Variants in NALCN observed in about 807,000 individuals in gnomAD.
NALCN encodes sodium leak channel NALCN.
A neutral mutation model predicts 225.3 loss-of-function variants in NALCN; 111 were observed. The ratio of observed to expected loss-of-function variants is 0.49; its 90% CI spans 0.42 to 0.58. The LOEUF (loss-of-function observed/expected upper bound fraction) is 0.58, where lower values mean the gene tolerates loss of function less well. NALCN is among the 20% of genes least tolerant of loss of function. The pLI is 0.00. For synonymous variants in NALCN, 764 were observed against 769.0 expected, an observed-to-expected ratio of 0.99 and a Z score of 0.11; for missense variants, 1,378 against 2,202.4, an observed-to-expected ratio of 0.63 and a Z score of 7.49.
chr13:101,310,954 G>A (rs908436469), intron 7 of NALCN, among the ~76,000 whole-genome samples: 1 of 152,006 alleles, frequency 6.6e-6, no homozygotes, highest in Non-Finnish European at 1.5e-5. Flanking sequence ...CATGGGCAGT[G>A]TGGCCATTTT....
intron 6 of NALCN, among the ~76,000 whole-genome samples, chr13:101,349,918 G>C (rs1302215421): frequency 6.6e-6 from 1 of 152,100 alleles, no homozygotes; most frequent in Non-Finnish European, 1.5e-5. Flanking sequence ...ATAACAAACA[G>C]GACCAGCTTC....
intron 7 of NALCN, among the ~76,000 whole-genome samples, chr13:101,295,089 C>A (rs1431777534): frequency 6.6e-6 from 1 of 152,074 alleles, no homozygotes; most frequent in East Asian, 1.9e-4. Flanking sequence ...TGCATCTGTT[C>A]ATAGGCTCTC....
chr13:101,173,462 C>T (rs2038830721), intron 15 of NALCN, among the ~76,000 whole-genome samples: 1 of 152,134 alleles, frequency 6.6e-6, no homozygotes, highest in Non-Finnish European at 1.5e-5. Flanking sequence ...GAGCAAGTTA[C>T]TTAACCTCTC....
chr13:101,226,938 T>C (rs542425382), intron 13 of NALCN, among the ~76,000 whole-genome samples: 53 of 152,104 alleles, frequency 3.5e-4, no homozygotes, highest in Admixed American at 9.8e-4. Context: ...CCTCCCTAGG[T>C]GCAGGAATGG....
intron 7 of NALCN, among the ~76,000 whole-genome samples, chr13:101,337,874 C>A (rs534152463): frequency 1.4e-3 from 206 of 152,284 alleles, no homozygotes; most frequent in African/African-American, 4.7e-3. Flanking sequence ...GACATGGCTT[C>A]CAAATGCGGC....
chr13:101,204,885 G>A (rs2040254578), intron 13 of NALCN, among the ~76,000 whole-genome samples: 1 of 152,132 alleles, frequency 6.6e-6, no homozygotes, highest in Admixed American at 6.6e-5. Context: ...AATTCCCACA[G>A]TAGTTAATTG....
rs201275972 is a variant in NALCN at position 101,059,676 on chromosome 13, T to G, written c.4905+142A>C. The G allele has an allele frequency of 1.7e-3, 1,173 of 671,032 alleles. 14 individuals are homozygous for G. The African/African-American group carries it at 0.028, about 16-fold the overall frequency. 41.6% of individuals were successfully genotyped at this position (671,032 alleles called of 1,614,324 possible). On this transcript the variant is annotated intron_variant, in intron 42 of 43. Transcript: ENST00000251127. ...CTGGATCAATGGATTTCCGTTGCCT[T>G]TTTTTTTTTTAATGAAAATATTCCT...
At chr13:101,099,442 A>G (rs2034690031) in intron 27 of NALCN, among the ~76,000 whole-genome samples, 1 of 152,074 alleles carries the variant, frequency 6.6e-6, no homozygotes, top group Non-Finnish European at 1.5e-5. Context: ...AGATAGCCAT[A>G]TTTGCTAGAA....
At chr13:101,197,336 CTTCTT>C (rs139408030) in intron 13 of NALCN, among the ~76,000 whole-genome samples, 6,224 of 152,160 alleles carry the variant, frequency 0.041, 407 homozygotes, top group African/African-American at 0.14. Context: ...TCATCTTTCT[CTTCTT>C]TTCTTTCCTC....
chr13:101,252,915 A>G (rs1418316268), intron 11 of NALCN, among the ~76,000 whole-genome samples: 1 of 152,132 alleles, frequency 6.6e-6, no homozygotes, highest in Non-Finnish European at 1.5e-5. Context: ...AAAGCTTTTA[A>G]TCTCCTGTGC....
intron 42 of NALCN, 180 bp from the exon 43 acceptor site, chr13:101,058,236 C>T (rs932357891): frequency 1.0e-5 from 6 of 582,544 alleles, no homozygotes; most frequent in South Asian, 8.7e-5. Flanking sequence ...AAAGAGCCAC[C>T]ACTGCACGCC....
intron 42 of NALCN, 88 bp from the exon 43 acceptor site, chr13:101,058,144 A>T (rs1290237002): frequency 1.8e-6 from 2 of 1,127,236 alleles, no homozygotes. Context: ...ACATGGCAGG[A>T]GGACAAGTGG....
Position 101,345,386 on chromosome 13 carries a change from T to A in NALCN, c.679A>T (p.Thr227Ser). Residue 227 changes from threonine (T) to serine (S), a missense_variant, in exon 7 of 44, where the codon ACA becomes TCA. By Grantham distance (58) the Thr-to-Ser change is moderately conservative. Around this residue, in one of 19 missense-constraint regions of NALCN, gnomAD observed 67 missense variants for 82.1 expected, o/e 0.82. Transcript: ENST00000251127. ...VTWNSLAIPD[T>S]HCSPELEEGY... Reference sequence around the variant, plus strand: ...TCTTCTAGCTCTGGTGAGCAGTGTGTGTCTGGAATAGCTAAACTATTCCAG... The same window carrying A: ...TCTTCTAGCTCTGGTGAGCAGTGTGAGTCTGGAATAGCTAAACTATTCCAG... 1.2e-6 allele frequency: 2 copies of A among 1,613,742 alleles called. No homozygotes were observed. Among genetic ancestry groups the A allele is most frequent in the Non-Finnish European group, 1.7e-6 (2 of 1,179,752 alleles).
At chr13:101,164,758 C>T (rs1004921566) in intron 15 of NALCN, among the ~76,000 whole-genome samples, 4 of 152,006 alleles carry the variant, frequency 2.6e-5, no homozygotes, top group African/African-American at 7.3e-5. Context: ...AAAAGTCTAA[C>T]ATTTATTATA....
intron 7 of NALCN, among the ~76,000 whole-genome samples, chr13:101,308,729 A>T (rs2044238192): frequency 6.6e-6 from 1 of 152,202 alleles, no homozygotes; most frequent in Non-Finnish European, 1.5e-5. Context: ...ACATACAGAC[A>T]TTTTAGGATT....
intron 17 of NALCN, among the ~76,000 whole-genome samples, chr13:101,131,526 C>CA (rs2036520216): frequency 6.6e-6 from 1 of 152,114 alleles, no homozygotes; most frequent in Non-Finnish European, 1.5e-5. Flanking sequence ...CTCCTCCCCC[C>CA]ACAAATTTTG....
intron 27 of NALCN, among the ~76,000 whole-genome samples, chr13:101,096,950 T>C (rs926638777): frequency 2.0e-5 from 3 of 152,266 alleles, no homozygotes; most frequent in African/African-American, 7.2e-5. Context: ...CACGTCCTCT[T>C]TGACCCTAAG....
intron 18 of NALCN, chr13:101,116,333 T>TAA (rs1555384635): frequency 4.0e-4 from 93 of 235,344 alleles, no homozygotes; most frequent in East Asian, 3.3e-3. Flanking sequence ...TATATATATA[T>TAA]AATCTTTTAT....
chr13:101,096,863 C>A (rs1018674465), intron 27 of NALCN, among the ~76,000 whole-genome samples: 1 of 152,166 alleles, frequency 6.6e-6, no homozygotes, highest in African/African-American at 2.4e-5. Flanking sequence ...AATCTCTTTT[C>A]TGGGTTCAAG....
Sources: allele counts gnomAD v4.1 joint callset (sites outside exome capture counted in the v4.1 genomes callset), GRCh38; gene constraint gnomAD v4.1.1; regional missense constraint gnomAD v4.1.1; transcripts MANE v1.5; gene names NCBI Gene and HGNC (gene_info 2026-07-23, HGNC 2026-07-21).